Variants in RORA observed in about 807,000 individuals in gnomAD.
RORA encodes RAR related orphan receptor A, also known as nuclear receptor ROR-alpha.
RORA carries 7 observed loss-of-function variants against 69.5 expected under a neutral mutation model. That is an observed-to-expected ratio of 0.10 (90% CI 0.06 to 0.19). The LOEUF is 0.19. Among genes scored for constraint, RORA ranks in the 10% least tolerant of loss-of-function variants. The pLI is 1.00. For synonymous variants in RORA, 261 were observed against 240.8 expected, an observed-to-expected ratio of 1.08 and a Z score of -0.78; for missense variants, 457 against 663.0, an observed-to-expected ratio of 0.69 and a Z score of 3.41.
chr15:60,925,480 G>A (rs1892187520), intron 1 of RORA, among the ~76,000 whole-genome samples: 1 of 152,194 alleles, frequency 6.6e-6, no homozygotes, highest in African/African-American at 2.4e-5. Context: ...TGATCCCACA[G>A]TACTAACAAT....
chr15:60,744,733 C>T (rs1029501754), intron 1 of RORA, among the ~76,000 whole-genome samples: 27 of 152,218 alleles, frequency 1.8e-4, no homozygotes, highest in African/African-American at 6.3e-4. Flanking sequence ...CAGCAACTTA[C>T]TGTCCTGGTG....
chr15:60,569,884 T>C (rs2067828354), intron 2 of RORA, among the ~76,000 whole-genome samples: 2 of 152,176 alleles, frequency 1.3e-5, no homozygotes, highest in South Asian at 4.1e-4. Context: ...ATTTAGCAGA[T>C]ATTAACTGCA....
At chr15:60,934,703 G>A (rs1202428384) in intron 1 of RORA, among the ~76,000 whole-genome samples, 1 of 152,144 alleles carries the variant, frequency 6.6e-6, no homozygotes, top group Non-Finnish European at 1.5e-5. Context: ...CTGTCTGGGA[G>A]CCACACTTTG....
intron 1 of RORA, among the ~76,000 whole-genome samples, chr15:60,699,841 C>G (rs2070957219): frequency 6.7e-6 from 1 of 150,030 alleles, no homozygotes; most frequent in Non-Finnish European, 1.5e-5. Flanking sequence ...AGGGCTGATT[C>G]TATTAAAAAA....
chr15:60,744,859 A>G (rs1276255511), intron 1 of RORA, among the ~76,000 whole-genome samples: 1 of 152,136 alleles, frequency 6.6e-6, no homozygotes, highest in Non-Finnish European at 1.5e-5. Flanking sequence ...GAATAAACTC[A>G]GTCCTAGGAA....
intron 1 of RORA, among the ~76,000 whole-genome samples, chr15:60,691,713 T>C (rs542445889): frequency 1.2e-4 from 18 of 152,274 alleles, no homozygotes; most frequent in South Asian, 6.2e-4. Flanking sequence ...AGGCAATCAA[T>C]AGAAAAGTTA....
intron 1 of RORA, among the ~76,000 whole-genome samples, chr15:61,214,740 A>G (rs560930058): frequency 6.6e-6 from 1 of 152,140 alleles, no homozygotes. Context: ...CTCCCTGCCC[A>G]TACCACCCTA....
chr15:61,017,145 G>A (rs530087622), intron 1 of RORA, among the ~76,000 whole-genome samples: 2 of 151,954 alleles, frequency 1.3e-5, no homozygotes, highest in African/African-American at 4.8e-5. Flanking sequence ...TGATTCCTAC[G>A]TTTTTATTTA....
intron 1 of RORA, among the ~76,000 whole-genome samples, chr15:60,854,004 C>G (rs925667591): frequency 2.0e-5 from 3 of 152,168 alleles, no homozygotes; most frequent in African/African-American, 7.2e-5. Context: ...TGGCTTACTC[C>G]TGTAATCCCA....
rs1390191267 is a variant in RORA, at chr15:61,224,839, T to A, written c.166+4214A>T. On this transcript the variant is annotated intron_variant, in intron 1 of 10. Coordinates refer to ENST00000335670, the MANE Select transcript of RORA (RefSeq NM_134261.3). ...CTAGTGTGGAACCAGAAGTGTGTGC[T>A]ACAGCCCCCACCTCTGCTACCTTGA... is the stretch of plus-strand genomic sequence containing the variant. Among the ~76,000 whole-genome samples, 3 of 152,214 alleles carry A rather than the reference T, an allele frequency of 2.0e-5. No homozygotes were observed. In the East Asian group the frequency reaches 5.8e-4, roughly 29 times the overall value.
At chr15:61,083,883 C>A (rs1013700149) in intron 1 of RORA, among the ~76,000 whole-genome samples, 2 of 151,986 alleles carry the variant, frequency 1.3e-5, no homozygotes, top group African/African-American at 4.8e-5. Context: ...AAAAGGAGTC[C>A]TTTCTGGTTG....
At position 60,903,401 on chromosome 15, in the gene RORA, T is replaced by C. The variant is rs566609623; in HGVS notation, c.167-224715A>G. Reference sequence around the variant, plus strand: ...CTGTTGGACGCGTTTATGGGCCCTATTGGCCGATTTGGCAAGCAGCTTTAT... The same window carrying C: ...CTGTTGGACGCGTTTATGGGCCCTACTGGCCGATTTGGCAAGCAGCTTTAT... On this transcript the variant is annotated intron_variant, in intron 1 of 10. Coordinates refer to ENST00000335670, the MANE Select transcript of RORA (RefSeq NM_134261.3). Among the ~76,000 whole-genome samples, 427 of 152,316 alleles carry C rather than the reference T, an allele frequency of 2.8e-3. 1 individual carries two copies. The highest frequency in any genetic ancestry group is 1.0e-2 in the African/African-American group (415 of 41,560).
chr15:60,868,972 C>G (rs1366726218), intron 1 of RORA, among the ~76,000 whole-genome samples: 1 of 152,174 alleles, frequency 6.6e-6, no homozygotes, highest in East Asian at 1.9e-4. Flanking sequence ...AACAAGGAAG[C>G]TGACCAGAAC....
At chr15:60,701,029 T>C (rs2070973900) in intron 1 of RORA, among the ~76,000 whole-genome samples, 1 of 152,134 alleles carries the variant, frequency 6.6e-6, no homozygotes, top group Non-Finnish European at 1.5e-5. Flanking sequence ...AGGCACCTTT[T>C]AAAAATCACC....
At chr15:60,701,148 A>T (rs762735533) in intron 1 of RORA, among the ~76,000 whole-genome samples, 5 of 152,210 alleles carry the variant, frequency 3.3e-5, no homozygotes, top group Non-Finnish European at 5.9e-5. Flanking sequence ...CTCTCAAAGA[A>T]TATAGAACAT....
chr15:60,592,299 GGCGCGCCCACCCCTCCCCCT>G, intron 2 of RORA: 2 of 1,001,560 alleles, frequency 2.0e-6, no homozygotes, highest in Non-Finnish European at 2.6e-6. Flanking sequence ...CGTTCGGGCA[GGCGCGCCCACCCCTCCCCCT>G]GCGCGCCCTC....
At chr15:61,099,417 G>A (rs1422120774) in intron 1 of RORA, among the ~76,000 whole-genome samples, 1 of 152,108 alleles carries the variant, frequency 6.6e-6, no homozygotes, top group Non-Finnish European at 1.5e-5. Flanking sequence ...GTGAGGGAAG[G>A]GAAACCTTTC....
intron 1 of RORA, among the ~76,000 whole-genome samples, chr15:61,156,281 A>G (rs967718615): frequency 6.6e-6 from 1 of 152,182 alleles, no homozygotes; most frequent in Non-Finnish European, 1.5e-5. Context: ...GTATGATTCT[A>G]GATTTTTTGT....
chr15:60,933,311 C>T (rs895649201), intron 1 of RORA, among the ~76,000 whole-genome samples: 2 of 152,202 alleles, frequency 1.3e-5, no homozygotes, highest in African/African-American at 2.4e-5. Flanking sequence ...CTGTAGCCTA[C>T]GTTCTCAGCA....
Sources: allele counts gnomAD v4.1 joint callset (sites outside exome capture counted in the v4.1 genomes callset), GRCh38; gene constraint gnomAD v4.1.1; transcripts MANE v1.5; gene names NCBI Gene and HGNC (gene_info 2026-07-23, HGNC 2026-07-21).